PXDNL: variants seen among roughly 807,000 people sequenced by gnomAD.
The protein encoded by PXDNL is probable oxidoreductase PXDNL.
In PXDNL, 145 loss-of-function variants were observed where a neutral mutation model predicts 150.8. That is an observed-to-expected ratio of 0.96 (90% CI 0.84 to 1.10). The LOEUF is 1.10. Ranked by LOEUF, PXDNL falls within the 50% of genes least tolerant of loss-of-function variation. PXDNL has a pLI of 0.00. For synonymous variants in PXDNL, 757 were observed against 725.7 expected, an observed-to-expected ratio of 1.04 and a Z score of -0.69; for missense variants, 2,087 against 1,873.9, an observed-to-expected ratio of 1.11 and a Z score of -2.10.
chr8:51,685,463 C>G (rs576896882), intron 1 of PXDNL, among the ~76,000 whole-genome samples: 1 of 152,330 alleles, frequency 6.6e-6, no homozygotes, highest in African/African-American at 2.4e-5. Context: ...TCCCCAAAAA[C>G]CACTAATTTA....
intron 16 of PXDNL, among the ~76,000 whole-genome samples, chr8:51,410,118 T>C (rs1808585082): frequency 6.6e-6 from 1 of 152,230 alleles, no homozygotes; most frequent in South Asian, 2.1e-4. Flanking sequence ...AATATCAATA[T>C]GGATCATGTG....
chr8:51,768,707 C>G (rs1049260578), intron 1 of PXDNL, among the ~76,000 whole-genome samples: 70 of 152,302 alleles, frequency 4.6e-4, no homozygotes, highest in African/African-American at 1.6e-3. Context: ...GATATGTGCA[C>G]ACACACTCAC....
chr8:51,670,440 A>G (rs1022872986), intron 1 of PXDNL, among the ~76,000 whole-genome samples: 6 of 152,238 alleles, frequency 3.9e-5, no homozygotes, highest in Admixed American at 3.9e-4. Context: ...TATAGTGTAT[A>G]GGGTGTACCC....
intron 4 of PXDNL, among the ~76,000 whole-genome samples, chr8:51,533,230 A>G (rs1271331920): frequency 6.6e-6 from 1 of 152,208 alleles, no homozygotes; most frequent in East Asian, 1.9e-4. Flanking sequence ...AGCTCACTGC[A>G]ACCTCTGCCT....
At chr8:51,651,077 C>T (rs1387664418) in intron 2 of PXDNL, among the ~76,000 whole-genome samples, 1 of 152,120 alleles carries the variant, frequency 6.6e-6, no homozygotes, top group Non-Finnish European at 1.5e-5. Flanking sequence ...AAATCAATTG[C>T]ATTTTATCTA....
intron 2 of PXDNL, among the ~76,000 whole-genome samples, chr8:51,644,318 T>TTTTATATATATATATATATATA (rs1814853098): frequency 1.6e-5 from 1 of 63,270 alleles, no homozygotes; most frequent in Non-Finnish European, 4.2e-5. Flanking sequence ...AGGCACATTT[T>TTTTATATATATATATATATATA]TACATATATA....
At chr8:51,385,910 G>A (rs1807694969) in intron 17 of PXDNL, among the ~76,000 whole-genome samples, 1 of 152,142 alleles carries the variant, frequency 6.6e-6, no homozygotes, top group African/African-American at 2.4e-5. Flanking sequence ...TCCCAGCCGA[G>A]TGGAACTGTA....
intron 4 of PXDNL, among the ~76,000 whole-genome samples, chr8:51,520,386 G>C (rs1448179388): frequency 6.6e-6 from 1 of 152,162 alleles, no homozygotes; most frequent in African/African-American, 2.4e-5. Flanking sequence ...TGGCTGCGGG[G>C]AAGGGACTGG....
chr8:51,621,252 G>A lies in PXDNL; in HGVS notation c.237-28554C>T, dbSNP rs760572253. On this transcript the variant is annotated intron_variant, in intron 2 of 22. Transcript: ENST00000356297. Reference sequence around the variant, plus strand: ...ACCCATCTGTAGATTCTAGAATAGTGGTTGATTGCTAAATAGTAATACACA... The same window carrying A: ...ACCCATCTGTAGATTCTAGAATAGTAGTTGATTGCTAAATAGTAATACACA... 6.5e-4 allele frequency among the ~76,000 whole-genome samples: 99 copies of A among 152,046 alleles called. 3 individuals carry two copies. The highest frequency in any genetic ancestry group is 4.6e-4 in the Admixed American group (7 of 15,270).
intron 9 of PXDNL, among the ~76,000 whole-genome samples, chr8:51,456,220 C>A (rs1035907373): frequency 6.6e-6 from 1 of 152,166 alleles, no homozygotes; most frequent in African/African-American, 2.4e-5. Flanking sequence ...AGTGATCTGA[C>A]CCCACTTTAT....
At chr8:51,700,017 G>C (rs1471716408) in intron 1 of PXDNL, among the ~76,000 whole-genome samples, 5 of 152,118 alleles carry the variant, frequency 3.3e-5, no homozygotes, top group African/African-American at 1.2e-4. Flanking sequence ...CAAATTGTGA[G>C]ACTGAGACAG....
chr8:51,419,755 T>C (rs1471381700), intron 14 of PXDNL, among the ~76,000 whole-genome samples: 3 of 152,174 alleles, frequency 2.0e-5, no homozygotes, highest in Non-Finnish European at 4.4e-5. Flanking sequence ...ACAATAAATA[T>C]ATAAACATTT....
intron 1 of PXDNL, among the ~76,000 whole-genome samples, chr8:51,709,101 A>G (rs564881385): frequency 2.0e-4 from 30 of 152,182 alleles, no homozygotes; most frequent in Non-Finnish European, 3.7e-4. Context: ...AAGTGTGGTA[A>G]GCCTCATTTG....
chr8:51,546,900 G>A (rs1812371846), intron 4 of PXDNL, among the ~76,000 whole-genome samples: 1 of 152,132 alleles, frequency 6.6e-6, no homozygotes, highest in Admixed American at 6.5e-5. Flanking sequence ...CTGAAAACCT[G>A]AATGAAGCAG....
intron 1 of PXDNL, among the ~76,000 whole-genome samples, chr8:51,713,238 T>C (rs945648794): frequency 7.9e-5 from 12 of 152,246 alleles, no homozygotes; most frequent in African/African-American, 2.4e-4. Context: ...AAGGCATAGC[T>C]GCCCTAAGGC....
At chr8:51,608,010 A>AAAGAAAGAAAGAAAG (rs1813884425) in intron 2 of PXDNL, among the ~76,000 whole-genome samples, 1 of 58,756 alleles carries the variant, frequency 1.7e-5, no homozygotes, top group African/African-American at 1.2e-4. Context: ...AGGAAGAAAG[A>AAAGAAAGAAAGAAAG]AAGAAAGAAA....
intron 1 of PXDNL, among the ~76,000 whole-genome samples, chr8:51,664,038 G>A (rs934863908): frequency 7.8e-5 from 11 of 140,436 alleles, no homozygotes; most frequent in Admixed American, 3.5e-4. Flanking sequence ...GCAACAGAGC[G>A]AGACTCTGTC....
At chr8:51,569,843 C>T (rs1301411905) in intron 3 of PXDNL, among the ~76,000 whole-genome samples, 2 of 151,906 alleles carry the variant, frequency 1.3e-5, no homozygotes, top group Non-Finnish European at 2.9e-5. Context: ...CAGAGATACA[C>T]GGGCATGAAA....
At chr8:51,577,650 T>A (rs1813087106) in intron 3 of PXDNL, among the ~76,000 whole-genome samples, 1 of 148,730 alleles carries the variant, frequency 6.7e-6, no homozygotes, top group South Asian at 2.1e-4. Flanking sequence ...CAGCAATAAA[T>A]AAGGAAAAAA....
Sources: gnomAD v4.1 joint callset for allele counts (sites outside exome capture counted in the v4.1 genomes callset) on GRCh38, gnomAD v4.1.1 for gene constraint, MANE v1.5 for transcripts, NCBI Gene and HGNC (gene_info 2026-07-23, HGNC 2026-07-21) for gene names.